Variants in WDR44 observed in about 807,000 individuals in gnomAD.
WDR44 encodes the protein WD repeat domain 44.
In WDR44, 9 loss-of-function variants were observed where a neutral mutation model predicts 65.7. That is an observed-to-expected ratio of 0.14 (90% CI 0.08 to 0.24). The LOEUF (loss-of-function observed/expected upper bound fraction) is 0.24. WDR44 is among the 10% of genes least tolerant of loss of function. The pLI is 1.00. For synonymous variants in WDR44, 220 were observed against 235.2 expected (o/e 0.94, Z 0.59); for missense variants, 425 against 670.9 (o/e 0.63, Z 4.05).
chrX:118,371,939 C>T (rs1349746297), intron 1 of WDR44, among the ~76,000 whole-genome samples: 2 of 108,781 alleles, frequency 1.8e-5, no homozygotes, highest in Non-Finnish European at 3.8e-5. Context: ...CAATTTACCC[C>T]ATTTAGTATC....
intron 2 of WDR44, among the ~76,000 whole-genome samples, chrX:118,384,555 G>A (rs1291778096): frequency 8.9e-6 from 1 of 111,828 alleles, no homozygotes; most frequent in Admixed American, 9.5e-5. Flanking sequence ...TTTTGTACCA[G>A]TACCATGCTG....
chrX:118,420,661 C>T (rs17318161), intron 12 of WDR44, among the ~76,000 whole-genome samples: 7,950 of 111,739 alleles, frequency 0.071, 472 homozygotes, highest in East Asian at 0.25. Flanking sequence ...AGTGCCTGTG[C>T]ATCCTACCAG....
chrX:118,378,871 TAA>T (rs541856981), intron 2 of WDR44, among the ~76,000 whole-genome samples: 1 of 92,895 alleles, frequency 1.1e-5, no homozygotes. Context: ...CCGTCTCTAC[TAA>T]AAAAAAAAAA....
At chrX:118,381,325 C>T (rs1410805453) in intron 2 of WDR44, among the ~76,000 whole-genome samples, 2 of 109,422 alleles carry the variant, frequency 1.8e-5, no homozygotes, top group Non-Finnish European at 3.8e-5. Flanking sequence ...AAAAATTAGC[C>T]AGGCGTGGTG....
chrX:118,384,405 G>A (rs1393523740), intron 2 of WDR44, among the ~76,000 whole-genome samples: 1 of 111,855 alleles, frequency 8.9e-6, no homozygotes, highest in Non-Finnish European at 1.9e-5. Context: ...ATAGGATAAT[G>A]TTTTCCCAGC....
At chrX:118,390,404 C>G in intron 3 of WDR44, among the ~76,000 whole-genome samples, 1 of 111,696 alleles carries the variant, frequency 9.0e-6, no homozygotes, top group Middle Eastern at 4.6e-3. Flanking sequence ...ATGGACCTTT[C>G]TCTCCAGGTA....
intron 12 of WDR44, among the ~76,000 whole-genome samples, chrX:118,418,635 A>G (rs937825960): frequency 4.5e-5 from 5 of 110,442 alleles, no homozygotes; most frequent in Admixed American, 3.9e-4. Context: ...TGGTGGTTTA[A>G]TTTTCTATTT....
intron 1 of WDR44, among the ~76,000 whole-genome samples, chrX:118,372,690 A>G (rs1451556424): frequency 8.9e-6 from 1 of 112,443 alleles, no homozygotes; most frequent in East Asian, 2.8e-4. Flanking sequence ...ACAATTTCAT[A>G]TTAAGGAAAT....
Position 118,449,608 on chromosome X carries a change from T to C in WDR44, c.*621T>C, listed in dbSNP as rs1277602775. The C allele has an allele frequency of 1.8e-5, 2 of 110,916 alleles. No homozygotes were observed. Among genetic ancestry groups the C allele is most frequent in the Non-Finnish European group, 3.8e-5 (2 of 52,840 alleles). The allele number at this position is 110,916 out of a possible 1,213,427, so 9.1% of individuals were successfully genotyped here. A position where few individuals can be genotyped will look rare whatever the true frequency, so the allele number is the denominator to read the frequency against. Reference sequence around the variant, plus strand: ...ATGTGTACATATAATTTTTTTTTCTTTGCCACACTGGAGCACAATGTTTCT... The same window carrying C: ...ATGTGTACATATAATTTTTTTTTCTCTGCCACACTGGAGCACAATGTTTCT... On this transcript the variant is annotated 3_prime_UTR_variant, in exon 20 of 20. Transcript: ENST00000254029.
chrX:118,434,773 T>C (rs1299525003), intron 13 of WDR44, among the ~76,000 whole-genome samples: 2 of 112,114 alleles, frequency 1.8e-5, no homozygotes, highest in Non-Finnish European at 3.8e-5. Context: ...ATTATTTTAC[T>C]GTTTTTTGCT....
chrX:118,438,795 A>ATTTTTTTTTTTTT (rs2057276055), intron 14 of WDR44, among the ~76,000 whole-genome samples: 3 of 62,549 alleles, frequency 4.8e-5, no homozygotes, highest in African/African-American at 2.2e-4. Context: ...CTGTTCAGCC[A>ATTTTTTTTTTTTT]TGTTTTTTTT....
At chrX:118,352,346 A>ATTTTT (rs2056418564) in intron 1 of WDR44, among the ~76,000 whole-genome samples, 1 of 22,763 alleles carries the variant, frequency 4.4e-5, no homozygotes, top group Non-Finnish European at 5.9e-5. Context: ...ATATATATAT[A>ATTTTT]TATATATTTT....
chrX:118,445,803 G>A (rs2057340689), intron 19 of WDR44, among the ~76,000 whole-genome samples: 1 of 111,629 alleles, frequency 9.0e-6, no homozygotes, highest in African/African-American at 3.3e-5. Flanking sequence ...ACCAAGGCAG[G>A]CGGATTATGA....
At chrX:118,373,024 G>T (rs1314445765) in intron 1 of WDR44, among the ~76,000 whole-genome samples, 1 of 110,868 alleles carries the variant, frequency 9.0e-6, no homozygotes, top group Admixed American at 9.6e-5. Context: ...GGGAGGCGGG[G>T]GTTGCAGTGA....
At chrX:118,412,270 G>A (rs747466133) in intron 12 of WDR44, among the ~76,000 whole-genome samples, 1 of 111,587 alleles carries the variant, frequency 9.0e-6, no homozygotes, top group East Asian at 2.8e-4. Flanking sequence ...TGGTGGGAGA[G>A]GTAGGCAGGA....
At chrX:118,357,493 AG>A in intron 1 of WDR44, among the ~76,000 whole-genome samples, 1 of 108,142 alleles carries the variant, frequency 9.2e-6, no homozygotes, top group Non-Finnish European at 1.9e-5. Context: ...GTTCACTAAT[AG>A]AATTTATCAA....
At chrX:118,442,980 C>T (rs1245998487) in intron 17 of WDR44, among the ~76,000 whole-genome samples, 1 of 111,054 alleles carries the variant, frequency 9.0e-6, no homozygotes, top group African/African-American at 3.3e-5. Context: ...CCTTTGTTTA[C>T]GCTTTTAAGA....
chrX:118,380,542 T>G (rs5956045), intron 2 of WDR44, among the ~76,000 whole-genome samples: 29,440 of 111,155 alleles, frequency 0.26, 3,182 homozygotes, highest in African/African-American at 0.39. Context: ...ATCAATGGTT[T>G]GTTTCTTTTT....
chrX:118,431,840 G>A (rs927755820), intron 12 of WDR44, among the ~76,000 whole-genome samples: 2 of 111,787 alleles, frequency 1.8e-5, no homozygotes, highest in African/African-American at 6.5e-5. Context: ...AGGTGGCTGT[G>A]TGGCCTTTAA....
Sources: gnomAD v4.1 joint callset for allele counts (sites outside exome capture counted in the v4.1 genomes callset) on GRCh38, gnomAD v4.1.1 for gene constraint, MANE v1.5 for transcripts, NCBI Gene and HGNC (gene_info 2026-07-23, HGNC 2026-07-21) for gene names.